Variants in EHMT1 observed in about 807,000 individuals in gnomAD.
The protein encoded by EHMT1 is euchromatic histone lysine methyltransferase 1.
A neutral mutation model predicts 147.2 loss-of-function variants in EHMT1; 15 were observed. The ratio of observed to expected loss-of-function variants is 0.10; its 90% CI spans 0.07 to 0.16. The LOEUF (loss-of-function observed/expected upper bound fraction) is 0.16. Ranked by LOEUF, EHMT1 falls within the 10% of genes least tolerant of loss-of-function variation. The pLI is 1.00. For missense variants in EHMT1, 1,587 were observed against 1,772.4 expected (o/e 0.90, Z 1.88); for synonymous variants, 795 against 709.6 (o/e 1.12, Z -1.91).
chr9:137,764,903 G>A (rs1049021877), intron 10 of EHMT1: 2 of 152,178 alleles, frequency 1.3e-5, no homozygotes, highest in South Asian at 2.1e-4. Context: ...ACTTTCTTGT[G>A]TTGTTTAAGT....
intron 1 of EHMT1, among the ~76,000 whole-genome samples, chr9:137,684,960 G>A (rs1333713187): frequency 6.6e-6 from 1 of 152,018 alleles, no homozygotes; most frequent in Non-Finnish European, 1.5e-5. Flanking sequence ...TCCTTTTAAA[G>A]GAGTCTTTTC....
chr9:137,799,872 A>T (rs1219732768), intron 17 of EHMT1, among the ~76,000 whole-genome samples: 1 of 152,228 alleles, frequency 6.6e-6, no homozygotes, highest in Non-Finnish European at 1.5e-5. Flanking sequence ...CTGCATCTGA[A>T]GCATCCTCTG....
intron 14 of EHMT1, 114 bp downstream of exon 14, chr9:137,779,831 T>A: frequency 1.7e-6 from 2 of 1,188,390 alleles, no homozygotes; most frequent in Non-Finnish European, 1.2e-6. Context: ...GTTTTCTGTT[T>A]CTGTGTCTCC....
Position 137,782,854 on chromosome 9 carries a change from G to A in EHMT1, c.2382+457G>A, listed in dbSNP as rs552544232. Among the ~76,000 whole-genome samples, 3 of 152,184 alleles carry A rather than the reference G, an allele frequency of 2.0e-5. No individual in the cohort carries two copies. The highest frequency in any genetic ancestry group is 7.2e-5 in the African/African-American group (3 of 41,438). ...ACTGGCTTGTGTTTCTGTTGGTTGAGTTGACTCTGCCACCTGCTAATTTAT... is the reference window on the plus strand; with the variant it reads ...ACTGGCTTGTGTTTCTGTTGGTTGAATTGACTCTGCCACCTGCTAATTTAT... On this transcript the variant is annotated intron_variant, in intron 15 of 26. Transcript: ENST00000460843. This position sits in a 1 kb window ranked among gnomAD's most constrained non-coding sequence, Gnocchi z 5.7.
At chr9:137,656,163 T>G (rs1938420674) in intron 1 of EHMT1, among the ~76,000 whole-genome samples, 1 of 152,166 alleles carries the variant, frequency 6.6e-6, no homozygotes, top group East Asian at 1.9e-4. Context: ...GCGGATCACC[T>G]GAGGTCAGGA....
intron 9 of EHMT1, among the ~76,000 whole-genome samples, chr9:137,761,749 G>A (rs112553746): frequency 7.8e-4 from 119 of 152,280 alleles, no homozygotes; most frequent in African/African-American, 2.3e-3. Flanking sequence ...GAGCCACCGC[G>A]CCCAGCCAAG....
At chr9:137,701,647 G>T (rs1189226777) in intron 1 of EHMT1, among the ~76,000 whole-genome samples, 3 of 118,350 alleles carry the variant, frequency 2.5e-5, no homozygotes, top group African/African-American at 1.0e-4. Context: ...TTTTTTTTGA[G>T]ATGGAGTTTT....
chr9:137,685,423 G>A (rs1188199798), intron 1 of EHMT1: 2 of 152,142 alleles, frequency 1.3e-5, no homozygotes, highest in African/African-American at 4.8e-5. Flanking sequence ...GGTTGTAGCA[G>A]GTATCAGAAC....
intron 1 of EHMT1, among the ~76,000 whole-genome samples, chr9:137,649,693 C>G (rs754641889): frequency 6.6e-6 from 1 of 152,068 alleles, no homozygotes; most frequent in Non-Finnish European, 1.5e-5. Context: ...AGGTGGGAGC[C>G]AAGTGTTGCG....
chr9:137,806,208 G>A (rs144985509), intron 18 of EHMT1, among the ~76,000 whole-genome samples: 76 of 150,932 alleles, frequency 5.0e-4, no homozygotes, highest in African/African-American at 1.7e-3. Flanking sequence ...TGATCTGCCC[G>A]CTTTGGCCTC....
At chr9:137,638,896 G>A (rs1211495732) in intron 1 of EHMT1, among the ~76,000 whole-genome samples, 1 of 152,136 alleles carries the variant, frequency 6.6e-6, no homozygotes, top group Non-Finnish European at 1.5e-5. Context: ...GCCGAGGCAG[G>A]GGATGGCACT....
chr9:137,715,532 C>T (rs945588264), intron 2 of EHMT1: 6 of 985,002 alleles, frequency 6.1e-6, no homozygotes, highest in Non-Finnish European at 7.2e-6. Context: ...AAGAACAGAG[C>T]CAGGAAGGAG....
chr9:137,649,045 A>C (rs1412945763), intron 1 of EHMT1, among the ~76,000 whole-genome samples: 2 of 152,220 alleles, frequency 1.3e-5, no homozygotes, highest in Non-Finnish European at 2.9e-5. Context: ...ATCACTGGGG[A>C]AACTGGGCAT....
intron 1 of EHMT1, chr9:137,641,549 A>T: frequency 3.1e-6 from 1 of 319,678 alleles, no homozygotes; most frequent in South Asian, 2.7e-5. Flanking sequence ...TCTGCCCTGA[A>T]GAACGTGGTT....
chr9:137,814,637 G>A, intron 22 of EHMT1, 129 bp downstream of exon 22: 2 of 1,076,496 alleles, frequency 1.9e-6, no homozygotes, highest in Non-Finnish European at 2.8e-6. Context: ...AGGTGAGCTG[G>A]GTGTGACAGG....
chr9:137,745,876 C>T, intron 6 of EHMT1: 1 of 237,324 alleles, frequency 4.2e-6, no homozygotes, highest in Non-Finnish European at 8.0e-6. Context: ...CCTTCCCCAG[C>T]AGGGCTGCCT....
At chr9:137,728,638 A>G in intron 4 of EHMT1, 109 bp downstream of exon 4, 1 of 1,484,454 alleles carries the variant, frequency 6.7e-7, no homozygotes. Flanking sequence ...GCTCTTGATG[A>G]ATGACTGTTG....
At chr9:137,722,509 CAGG>C (rs1338440744) in intron 3 of EHMT1, among the ~76,000 whole-genome samples, 2 of 152,204 alleles carry the variant, frequency 1.3e-5, no homozygotes, top group Admixed American at 6.5e-5. Flanking sequence ...GGGGAGTCTG[CAGG>C]AGAAGGAGGG....
At chr9:137,761,129 A>G (rs1466153860) in intron 9 of EHMT1, among the ~76,000 whole-genome samples, 1 of 152,222 alleles carries the variant, frequency 6.6e-6, no homozygotes, top group Non-Finnish European at 1.5e-5. Context: ...AGGAAACACG[A>G]GGGGAAGGAT....
Sources: allele counts gnomAD v4.1 joint callset (sites outside exome capture counted in the v4.1 genomes callset), GRCh38; gene constraint gnomAD v4.1.1; non-coding constraint Gnocchi (gnomAD v3.1); transcripts MANE v1.5; gene names NCBI Gene and HGNC (gene_info 2026-07-23, HGNC 2026-07-21).